SORCS2: variants seen among roughly 807,000 people sequenced by gnomAD.
SORCS2 encodes sortilin related VPS10 domain containing receptor 2.
Under a neutral mutation model 141.6 loss-of-function variants are expected in SORCS2, and 100 were observed. The observed-to-expected ratio is 0.71, with a 90% CI of 0.60 to 0.83. The LOEUF is 0.83. Ranked by LOEUF, SORCS2 falls within the 40% of genes least tolerant of loss-of-function variation. The probability of loss-of-function intolerance (pLI) is 0.00; values close to 1 mark genes in which losing one functional copy is unlikely to be tolerated. For synonymous variants in SORCS2, 789 were observed against 676.9 expected, an observed-to-expected ratio of 1.17 and a Z score of -2.57; for missense variants, 1,646 against 1,560.2, an observed-to-expected ratio of 1.05 and a Z score of -0.93.
intron 3 of SORCS2, among the ~76,000 whole-genome samples, chr4:7,599,823 C>CTT (rs1370483227): frequency 9.6e-4 from 134 of 139,122 alleles, no homozygotes; most frequent in Admixed American, 3.7e-3. Context: ...TTTCTTTTTT[C>CTT]TTTTTTTTTT....
At chr4:7,367,915 G>C (rs1029730890) in intron 1 of SORCS2, among the ~76,000 whole-genome samples, 1 of 152,178 alleles carries the variant, frequency 6.6e-6, no homozygotes, top group Non-Finnish European at 1.5e-5. Flanking sequence ...CCTGCCACCC[G>C]GGCCAGTCCA....
chr4:7,724,160 GTGA>G (rs1425486382), intron 19 of SORCS2, among the ~76,000 whole-genome samples: 2 of 148,508 alleles, frequency 1.3e-5, no homozygotes, highest in South Asian at 2.1e-4. Context: ...GGTGGTGGTG[GTGA>G]TGGTGGTGAT....
Position 7,682,807 on chromosome 4 carries a change from T to C in SORCS2, c.1406T>C (p.Ile469Thr). The change falls in exon 10 of 27, where the codon ATA (isoleucine) becomes ACA (threonine). Residue 469 changes from isoleucine to threonine, a missense_variant. By Grantham distance (89) the Ile-to-Thr change is moderately conservative. Coordinates refer to ENST00000507866, the MANE Select transcript of SORCS2 (RefSeq NM_020777.3). ...ATTGATGGGAAAGTGATGACGCTTA[T>C]AACCTACAACAAGGGCCGCGACTGG... ...QKIDGKVMTL[I>T]TYNKGRDWDY... is the part of the protein sequence containing the mutation. The C allele has an allele frequency of 6.2e-7, 1 of 1,612,970 alleles. No homozygotes were observed. The highest frequency in any genetic ancestry group is 8.5e-7 in the Non-Finnish European group (1 of 1,179,450).
At chr4:7,676,797 C>A (rs1221278113) in intron 9 of SORCS2, among the ~76,000 whole-genome samples, 1 of 57,658 alleles carries the variant, frequency 1.7e-5, no homozygotes, top group Non-Finnish European at 4.0e-5. Flanking sequence ...TGAAGTCTGC[C>A]TTTCTGTCTC....
intron 3 of SORCS2, among the ~76,000 whole-genome samples, chr4:7,575,787 T>G (rs1033433293): frequency 9.9e-5 from 15 of 152,128 alleles, no homozygotes; most frequent in African/African-American, 3.6e-4. Context: ...TTAACAGATG[T>G]TCTTGTTGTT....
chr4:7,228,032 C>T (rs1251071301), intron 1 of SORCS2, among the ~76,000 whole-genome samples: 1 of 152,182 alleles, frequency 6.6e-6, no homozygotes, highest in Non-Finnish European at 1.5e-5. Flanking sequence ...GCCACAGTGT[C>T]CTTTGCCTGG....
At chr4:7,548,225 C>G (rs1471213719) in intron 3 of SORCS2, among the ~76,000 whole-genome samples, 2 of 152,150 alleles carry the variant, frequency 1.3e-5, no homozygotes, top group East Asian at 3.9e-4. Flanking sequence ...GAGGAATGCT[C>G]CCGCGACCAT....
intron 1 of SORCS2, among the ~76,000 whole-genome samples, chr4:7,225,246 G>A (rs1354268685): frequency 6.6e-6 from 1 of 152,176 alleles, no homozygotes; most frequent in East Asian, 1.9e-4. Context: ...TACTGTGATC[G>A]TGGCTATAGT....
intron 2 of SORCS2, among the ~76,000 whole-genome samples, chr4:7,451,708 G>A (rs1728475394): frequency 1.3e-5 from 2 of 152,238 alleles, no homozygotes; most frequent in African/African-American, 4.8e-5. Context: ...TGGGGTGGTG[G>A]GGGGGCTATA....
chr4:7,697,120 T>G, intron 11 of SORCS2, 78 bp from the exon 12 acceptor site: 2 of 1,312,934 alleles, frequency 1.5e-6, no homozygotes, highest in Non-Finnish European at 2.1e-6. Context: ...TGCTTGAGGT[T>G]TTTCCATGCT....
chr4:7,365,482 A>G (rs1213707640), intron 1 of SORCS2, among the ~76,000 whole-genome samples: 1 of 152,136 alleles, frequency 6.6e-6, no homozygotes, highest in Non-Finnish European at 1.5e-5. Flanking sequence ...AGAGCTGTCG[A>G]GAGTTCAGTT....
chr4:7,449,676 C>T (rs948112499), intron 2 of SORCS2, among the ~76,000 whole-genome samples: 1 of 151,936 alleles, frequency 6.6e-6, no homozygotes, highest in African/African-American at 2.4e-5. Context: ...CCTCCGGAGC[C>T]CCCACATCCT....
intron 1 of SORCS2, among the ~76,000 whole-genome samples, chr4:7,359,624 G>A (rs138317049): frequency 0.012 from 1,831 of 152,356 alleles, 30 homozygotes; most frequent in African/African-American, 0.036. Context: ...CCCGGCAGCT[G>A]GCAGCCAATG....
intron 1 of SORCS2, among the ~76,000 whole-genome samples, chr4:7,243,343 G>C (rs1372243517): frequency 6.6e-6 from 1 of 152,196 alleles, no homozygotes; most frequent in East Asian, 1.9e-4. Flanking sequence ...CCGAGGTTCA[G>C]AGAAAGTGGT....
At chr4:7,195,409 G>T (rs1292128417) in intron 1 of SORCS2, among the ~76,000 whole-genome samples, 1 of 152,116 alleles carries the variant, frequency 6.6e-6, no homozygotes, top group Non-Finnish European at 1.5e-5. Flanking sequence ...GTGAGTAGTG[G>T]GTGTGGGTGT....
rs554008176 is a variant in SORCS2, at chr4:7,610,886, G to A, written c.649-27442G>A. ...GAAGGCAAGGAGGATTTCCAAGCAG[G>A]GGCTCCCCGTGATGGGCAGGTCTTG... is the stretch of plus-strand genomic sequence containing the variant. On this transcript the variant is annotated intron_variant, in intron 3 of 26. Coordinates refer to ENST00000507866, the MANE Select transcript of SORCS2 (RefSeq NM_020777.3). 2.0e-5 allele frequency among the ~76,000 whole-genome samples: 3 copies of A among 152,260 alleles called. No homozygotes were observed. In the South Asian group the frequency reaches 6.2e-4, roughly 32 times the overall value.
At chr4:7,454,429 T>C (rs1728722317) in intron 2 of SORCS2, among the ~76,000 whole-genome samples, 1 of 145,754 alleles carries the variant, frequency 6.9e-6, no homozygotes, top group African/African-American at 2.6e-5. Flanking sequence ...TCAGGCTCCG[T>C]GTTGGAGTCA....
chr4:7,607,484 C>T (rs575995006), intron 3 of SORCS2, among the ~76,000 whole-genome samples: 1 of 152,300 alleles, frequency 6.6e-6, no homozygotes, highest in African/African-American at 2.4e-5. Flanking sequence ...CCCCACCTGC[C>T]TGTCATTGAG....
chr4:7,588,904 C>T (rs562629675), intron 3 of SORCS2, among the ~76,000 whole-genome samples: 136 of 152,332 alleles, frequency 8.9e-4, no homozygotes, highest in Middle Eastern at 6.8e-3. Flanking sequence ...TGGCTCCTAT[C>T]GGAACCGCTT....
Sources: allele counts gnomAD v4.1 joint callset (sites outside exome capture counted in the v4.1 genomes callset), GRCh38; gene constraint gnomAD v4.1.1; transcripts MANE v1.5; gene names NCBI Gene and HGNC (gene_info 2026-07-23, HGNC 2026-07-21).